The following INPP5A variants were observed in gnomAD, a reference collection of about 807,000 sequenced individuals.
INPP5A encodes the protein 43 kDa inositol polyphosphate 5-phophatase.
In INPP5A, 14 loss-of-function variants were observed where a neutral mutation model predicts 65.2. The ratio of observed to expected loss-of-function variants is 0.21; its 90% CI spans 0.14 to 0.34. The LOEUF is 0.34. Among genes scored for constraint, INPP5A ranks in the 10% least tolerant of loss-of-function variants. The pLI, the probability that INPP5A is intolerant of heterozygous loss-of-function variation, is 1.00. For synonymous variants in INPP5A, 207 were observed against 208.3 expected (o/e 0.99, Z 0.05); for missense variants, 431 against 545.6 (o/e 0.79, Z 2.09).
intron 8 of INPP5A, among the ~76,000 whole-genome samples, chr10:132,712,543 C>CGTGGACACAT (rs1011147195): frequency 6.2e-5 from 9 of 146,038 alleles, no homozygotes. Context: ...TGTGTGCACA[C>CGTGGACACAT]GTGGACACAT....
chr10:132,755,533 G>C (rs1183717136), intron 11 of INPP5A, among the ~76,000 whole-genome samples: 1 of 142,714 alleles, frequency 7.0e-6, no homozygotes, highest in South Asian at 2.2e-4. Flanking sequence ...TGTGTGAGCA[G>C]GCATATGCAT....
intron 4 of INPP5A, among the ~76,000 whole-genome samples, chr10:132,686,799 A>G (rs1845138710): frequency 6.6e-6 from 1 of 152,258 alleles, no homozygotes; most frequent in African/African-American, 2.4e-5. Flanking sequence ...AAACAAATGA[A>G]GGGATATCTT....
rs1056687864 is a variant in INPP5A, at chr10:132,545,372, G to A, written c.75+7201G>A. On this transcript the variant is annotated intron_variant, in intron 1 of 15. Coordinates refer to ENST00000368594, the MANE Select transcript of INPP5A (RefSeq NM_005539.5). This position sits in a 1 kb window ranked among gnomAD's most constrained non-coding sequence, Gnocchi z 4.6. ...TGACCAGATCGGGGCGGCTGAGGGGGCTGCCTACGGCAGGAGACGGCAGGT... is the reference window on the plus strand; with the variant it reads ...TGACCAGATCGGGGCGGCTGAGGGGACTGCCTACGGCAGGAGACGGCAGGT... 6.6e-6 allele frequency among the ~76,000 whole-genome samples: 1 copy of A among 152,200 alleles called. No individual in the cohort carries two copies. The highest frequency in any genetic ancestry group is 2.4e-5 in the African/African-American group (1 of 41,444).
chr10:132,653,887 G>T (rs1400148914), intron 4 of INPP5A, among the ~76,000 whole-genome samples: 1 of 152,220 alleles, frequency 6.6e-6, no homozygotes, highest in Non-Finnish European at 1.5e-5. Flanking sequence ...CAGGGGCTGG[G>T]CCGGGCCCCT....
At chr10:132,636,617 C>T (rs573955896) in intron 2 of INPP5A, among the ~76,000 whole-genome samples, 20 of 152,322 alleles carry the variant, frequency 1.3e-4, no homozygotes, top group African/African-American at 3.1e-4. Flanking sequence ...GCTGCCCTTG[C>T]GCTGCTGAGC....
intron 9 of INPP5A, among the ~76,000 whole-genome samples, chr10:132,730,740 G>C (rs759203157): frequency 6.6e-6 from 1 of 152,182 alleles, no homozygotes; most frequent in Admixed American, 6.5e-5. Flanking sequence ...CCCAGGTGGC[G>C]TCTTGAAGTC....
intron 9 of INPP5A, among the ~76,000 whole-genome samples, chr10:132,736,596 G>A (rs56394410): frequency 0.12 from 17,681 of 152,184 alleles, 1,090 homozygotes; most frequent in African/African-American, 0.15. Context: ...CACTGCCCGC[G>A]AGGCAGGATC....
intron 8 of INPP5A, among the ~76,000 whole-genome samples, chr10:132,711,621 T>G (rs879031081): frequency 1.3e-5 from 2 of 152,184 alleles, no homozygotes; most frequent in Admixed American, 1.3e-4. Context: ...CACTCCCGAC[T>G]AAGCGTGCGA....
In INPP5A at chr10:132,538,298, C is replaced by T. The variant is rs187283988; in HGVS notation, c.75+127C>T. 1.1e-4 allele frequency: 40 copies of T among 379,954 alleles called. No homozygotes were observed. Among genetic ancestry groups the T allele is most frequent in the Non-Finnish European group, 1.6e-4 (38 of 242,314 alleles). The allele number at this position is 379,954 out of a possible 1,614,324, so 23.5% of individuals were successfully genotyped here. On this transcript the variant is annotated intron_variant, in intron 1 of 15. Coordinates refer to ENST00000368594, the MANE Select transcript of INPP5A (RefSeq NM_005539.5). This position sits in a 1 kb window ranked among gnomAD's most constrained non-coding sequence, Gnocchi z 4.1. ...GACCCAGAGGCCCCAGACTCTGATC[C>T]CTGTACCCGGGACCCCAGACTCCTG...
intron 1 of INPP5A, among the ~76,000 whole-genome samples, chr10:132,582,341 G>A (rs1469406585): frequency 6.6e-6 from 1 of 151,508 alleles, no homozygotes; most frequent in Non-Finnish European, 1.5e-5. Flanking sequence ...TGTGTATGAT[G>A]TGAGATAGTG....
intron 4 of INPP5A, among the ~76,000 whole-genome samples, chr10:132,689,148 C>T (rs2134481156): frequency 6.6e-6 from 1 of 152,336 alleles, no homozygotes; most frequent in Middle Eastern, 3.4e-3. Flanking sequence ...CCCACAGGCT[C>T]ACACAGACAC....
At chr10:132,583,664 G>C (rs193185113) in intron 1 of INPP5A, among the ~76,000 whole-genome samples, 19 of 152,328 alleles carry the variant, frequency 1.2e-4, no homozygotes, top group African/African-American at 4.3e-4. Flanking sequence ...TTTTCTGTAT[G>C]TGCTAACGTG....
At chr10:132,628,824 T>C (rs1426851720) in intron 2 of INPP5A, among the ~76,000 whole-genome samples, 1 of 152,202 alleles carries the variant, frequency 6.6e-6, no homozygotes, top group African/African-American at 2.4e-5. Flanking sequence ...GTAAAGTGCA[T>C]ATGTCATTTC....
chr10:132,757,019 CA>C (rs1318587761), intron 11 of INPP5A, among the ~76,000 whole-genome samples: 1 of 152,118 alleles, frequency 6.6e-6, no homozygotes. Context: ...ATATTTTATA[CA>C]GCTATACAAT....
At chr10:132,635,839 G>A (rs970229157) in intron 2 of INPP5A, among the ~76,000 whole-genome samples, 4 of 151,930 alleles carry the variant, frequency 2.6e-5, no homozygotes, top group African/African-American at 7.3e-5. Flanking sequence ...TGGGTTTGGT[G>A]GTGCACACCT....
At chr10:132,720,174 C>G (rs1342496837) in intron 8 of INPP5A, among the ~76,000 whole-genome samples, 1 of 149,718 alleles carries the variant, frequency 6.7e-6, no homozygotes, top group African/African-American at 2.5e-5. Context: ...TGGGTTCTGT[C>G]TGGGCACCTT....
At position 132,686,180 on chromosome 10, in the gene INPP5A, G is replaced by A. The variant is rs371948657; in HGVS notation, c.307-4212G>A. ...TCTCCTGTGTGGCCCGCACCGGATCGACTTTTCGGTGCCCCAGGGGCTTGG... is the reference window on the plus strand; with the variant it reads ...TCTCCTGTGTGGCCCGCACCGGATCAACTTTTCGGTGCCCCAGGGGCTTGG... On this transcript the variant is annotated intron_variant, in intron 4 of 15. Coordinates refer to ENST00000368594, the MANE Select transcript of INPP5A (RefSeq NM_005539.5). Among the ~76,000 whole-genome samples, 10 of 152,190 alleles carry A rather than the reference G, an allele frequency of 6.6e-5. No homozygotes were observed. In the East Asian group the frequency reaches 1.5e-3, roughly 23 times the overall value.
At chr10:132,755,869 T>C (rs1319215954) in intron 11 of INPP5A, among the ~76,000 whole-genome samples, 1 of 152,062 alleles carries the variant, frequency 6.6e-6, no homozygotes, top group African/African-American at 2.4e-5. Context: ...TGTTCAGTGG[T>C]GACAGTGAAG....
At chr10:132,613,265 T>G (rs1359807453) in intron 2 of INPP5A, among the ~76,000 whole-genome samples, 1 of 143,934 alleles carries the variant, frequency 6.9e-6, no homozygotes, top group Admixed American at 7.1e-5. Context: ...GACCCCCTCC[T>G]TCCCGAGTCC....
Sources: gnomAD v4.1 joint callset for allele counts (sites outside exome capture counted in the v4.1 genomes callset) on GRCh38, gnomAD v4.1.1 for gene constraint, Gnocchi (gnomAD v3.1) non-coding constraint, MANE v1.5 for transcripts, NCBI Gene and HGNC (gene_info 2026-07-23, HGNC 2026-07-21) for gene names.